The following ERI3 variants were observed in gnomAD, a reference collection of about 807,000 sequenced individuals.
ERI3 encodes ERI1 exoribonuclease 3.
A neutral mutation model predicts 44.4 loss-of-function variants in ERI3; 18 were observed. That is an observed-to-expected ratio of 0.41 (90% confidence interval 0.28 to 0.60). The LOEUF (loss-of-function observed/expected upper bound fraction) is 0.60. Ranked by LOEUF, ERI3 falls within the 20% of genes least tolerant of loss-of-function variation. The pLI is 0.36. For missense variants in ERI3, 294 were observed against 435.5 expected (o/e 0.68, Z 2.89); for synonymous variants, 183 against 164.8 (o/e 1.11, Z -0.84).
At chr1:44,293,372 G>A (rs1645547669) in intron 6 of ERI3, among the ~76,000 whole-genome samples, 1 of 152,210 alleles carries the variant, frequency 6.6e-6, no homozygotes. Context: ...AAGGTCTTGG[G>A]ATGCCTTGTT....
chr1:44,348,838 G>A (rs75876489), intron 2 of ERI3, among the ~76,000 whole-genome samples: 113 of 152,362 alleles, frequency 7.4e-4, no homozygotes, highest in East Asian at 6.4e-3. Flanking sequence ...AGCTTTGACA[G>A]TACCTCGCAG....
At chr1:44,354,712 G>A (rs1646962469) in intron 1 of ERI3, 180 bp downstream of exon 1, 1 of 985,346 alleles carries the variant, frequency 1.0e-6, no homozygotes, top group Non-Finnish European at 1.2e-6. Context: ...CACCCATCCT[G>A]TCTTGCAAAG....
chr1:44,292,317 A>T (rs1645524038), intron 6 of ERI3, among the ~76,000 whole-genome samples: 3 of 152,224 alleles, frequency 2.0e-5, no homozygotes, highest in Admixed American at 2.0e-4. Context: ...CTCATTCTCC[A>T]AATCCAAAGA....
At chr1:44,227,010 T>C (rs527898441) in intron 8 of ERI3, among the ~76,000 whole-genome samples, 4 of 152,298 alleles carry the variant, frequency 2.6e-5, no homozygotes, top group African/African-American at 9.6e-5. Context: ...CTCTATCACA[T>C]ATACAATTCC....
intron 7 of ERI3, among the ~76,000 whole-genome samples, chr1:44,254,265 CCT>C (rs927163652): frequency 6.6e-6 from 1 of 152,156 alleles, no homozygotes; most frequent in African/African-American, 2.4e-5. Flanking sequence ...AGAGCCACCC[CCT>C]GAGCCTTGTT....
intron 5 of ERI3, among the ~76,000 whole-genome samples, chr1:44,311,364 G>A (rs1458485946): frequency 1.3e-5 from 2 of 152,176 alleles, no homozygotes; most frequent in Non-Finnish European, 2.9e-5. Context: ...CTGGCTGCCT[G>A]CTAAGGGCCT....
intron 4 of ERI3, 99 bp from the exon 5 acceptor site, chr1:44,313,327 A>C (rs1276071967): frequency 8.7e-7 from 1 of 1,145,134 alleles, no homozygotes; most frequent in Non-Finnish European, 1.3e-6. Flanking sequence ...CTTCTGTTGT[A>C]AAGGGCTCTG....
At chr1:44,260,183 G>A (rs1371293881) in intron 7 of ERI3, among the ~76,000 whole-genome samples, 1 of 152,218 alleles carries the variant, frequency 6.6e-6, no homozygotes, top group Non-Finnish European at 1.5e-5. Flanking sequence ...ATAGTCCTTT[G>A]ACGGGAAACA....
At chr1:44,270,496 T>C (rs1645068780) in intron 7 of ERI3, among the ~76,000 whole-genome samples, 1 of 152,116 alleles carries the variant, frequency 6.6e-6, no homozygotes, top group Non-Finnish European at 1.5e-5. Flanking sequence ...ACACACTCAA[T>C]AGAACACCTA....
chr1:44,243,277 G>A (rs1644481964), intron 8 of ERI3: 3 of 152,412 alleles, frequency 2.0e-5, no homozygotes, highest in Admixed American at 1.3e-4. Context: ...GAGCAGAGGG[G>A]ACAAGCTCCT....
intron 7 of ERI3, among the ~76,000 whole-genome samples, chr1:44,278,068 G>A (rs1328010687): frequency 6.6e-6 from 1 of 152,106 alleles, no homozygotes; most frequent in African/African-American, 2.4e-5. Flanking sequence ...TATTTCACAT[G>A]TAATCAATAC....
At chr1:44,279,276 G>A (rs1645240327) in intron 7 of ERI3, among the ~76,000 whole-genome samples, 1 of 151,942 alleles carries the variant, frequency 6.6e-6, no homozygotes, top group African/African-American at 2.4e-5. Flanking sequence ...CCAGGCTAGA[G>A]TGCAGTGGTA....
rs1296485121 is a variant in ERI3 at position 44,354,951 on chromosome 1, C to CG, written c.75dup (p.Ala26ArgfsTer127). ...GTCCAGGGGAGAGTAAGGGGAGGGG[C>CG]GGGGGGCCAGGAGACCAGCCCTCCT... On this transcript the variant is annotated frameshift_variant, in exon 1 of 9. Transcript: ENST00000372257. LOFTEE classifies it high-confidence loss of function. 2 of 1,339,426 alleles carry CG rather than the reference C, an allele frequency of 1.5e-6. No individual in the cohort carries two copies. The highest frequency in any genetic ancestry group is 9.6e-7 in the Non-Finnish European group (1 of 1,037,660). 83.0% of individuals were successfully genotyped at this position (1,339,426 alleles called of 1,614,324 possible). A position where few individuals can be genotyped will look rare whatever the true frequency, so the allele number is the denominator to read the frequency against.
chr1:44,258,732 G>A (rs1287613447), intron 7 of ERI3, among the ~76,000 whole-genome samples: 1 of 152,204 alleles, frequency 6.6e-6, no homozygotes, highest in Admixed American at 6.5e-5. Flanking sequence ...GCTCAGACCA[G>A]TGGTCTGAGC....
chr1:44,285,453 T>G (rs1017783858), intron 6 of ERI3, among the ~76,000 whole-genome samples: 3 of 152,212 alleles, frequency 2.0e-5, no homozygotes, highest in Non-Finnish European at 2.9e-5. Context: ...TAGAGATAGA[T>G]GAGCAGGGGT....
chr1:44,321,685 A>G (rs900475669), intron 3 of ERI3, among the ~76,000 whole-genome samples: 1 of 152,172 alleles, frequency 6.6e-6, no homozygotes, highest in Non-Finnish European at 1.5e-5. Flanking sequence ...CACTTCCTCA[A>G]CAGAAAGAGC....
intron 2 of ERI3, among the ~76,000 whole-genome samples, chr1:44,342,824 T>TATATATATATATATATATAA (rs1646686870): frequency 4.1e-4 from 6 of 14,794 alleles, no homozygotes; most frequent in African/African-American, 1.4e-3. Flanking sequence ...TATATATATA[T>TATATATATATATATATATAA]ATATATATAT....
rs1644276943 is a variant in ERI3, at chr1:44,235,214, A to G, written c.931+12725T>C. Among the ~76,000 whole-genome samples the G allele has an allele frequency of 6.6e-6, 1 of 152,082 alleles. No homozygotes were observed. The highest frequency in any genetic ancestry group is 2.1e-4 in the South Asian group (1 of 4,820). On this transcript the variant is annotated intron_variant, in intron 8 of 8. Coordinates refer to ENST00000372257, the MANE Select transcript of ERI3 (RefSeq NM_024066.3). The surrounding 1 kb of genome is among the most constrained non-coding windows in gnomAD (Gnocchi z 4.6). ...ATCCAAACCCCTTTATAAAAGTCTGAGTTCTGGACCTGTTTACATCTCTGG... is the reference window on the plus strand; with the variant it reads ...ATCCAAACCCCTTTATAAAAGTCTGGGTTCTGGACCTGTTTACATCTCTGG...
intron 2 of ERI3, among the ~76,000 whole-genome samples, chr1:44,345,291 A>C (rs188837664): frequency 1.3e-5 from 2 of 152,310 alleles, no homozygotes; most frequent in Admixed American, 1.3e-4. Context: ...AAACAAGAGG[A>C]GGCCACTGTG....
Sources: gnomAD v4.1 joint callset for allele counts (sites outside exome capture counted in the v4.1 genomes callset) on GRCh38, gnomAD v4.1.1 for gene constraint, Gnocchi (gnomAD v3.1) non-coding constraint, MANE v1.5 for transcripts, NCBI Gene and HGNC (gene_info 2026-07-23, HGNC 2026-07-21) for gene names.